SLC22A4: variants seen among roughly 807,000 people sequenced by gnomAD.
The protein encoded by SLC22A4 is ET transporter.
In SLC22A4, 39 loss-of-function variants were observed where a neutral mutation model predicts 56.6. The observed-to-expected ratio is 0.69, with a 90% CI of 0.53 to 0.90. The LOEUF is 0.90. SLC22A4 is among the 40% of genes least tolerant of loss of function. The probability of loss-of-function intolerance (pLI) is 0.00; values close to 1 mark genes in which losing one functional copy is unlikely to be tolerated. For missense variants in SLC22A4, 594 were observed against 696.5 expected (o/e 0.85, Z 1.66); for synonymous variants, 241 against 281.4 (o/e 0.86, Z 1.44).
chr5:132,294,912 C>G lies in SLC22A4; in HGVS notation c.296C>G (p.Pro99Arg). ...IANFSALGLE[P>R]GRDVDLGQLE... ...AACTTCTCGGCGCTCGGGCTGGAGC[C>G]GGGGCGCGACGTGGACCTGGGGCAG... Residue 99 changes from proline (P) to arginine (R), a missense_variant, in exon 1 of 10, where the codon CCG (proline) becomes CGG (arginine). Physicochemically the swap from Pro to Arg is moderately radical, Grantham distance 103. Transcript: ENST00000200652. This position sits in a 1 kb window ranked among gnomAD's most constrained non-coding sequence, Gnocchi z 5.6. The G allele has an allele frequency of 6.3e-7, 1 of 1,595,386 alleles. No homozygotes were observed.
At chr5:132,322,118 T>A in intron 3 of SLC22A4, 66 bp from the exon 4 acceptor site, 1 of 1,416,150 alleles carries the variant, frequency 7.1e-7, no homozygotes, top group South Asian at 1.2e-5. Flanking sequence ...AACTGCCACA[T>A]AATGATATAA....
At chr5:132,295,610 T>C (rs1749762375) in intron 1 of SLC22A4, 1 of 275,554 alleles carries the variant, frequency 3.6e-6, no homozygotes, top group Admixed American at 4.9e-5. Context: ...CAGGGACCTC[T>C]CTGAGCACAG....
At chr5:132,300,309 A>G (rs2126699825) in intron 1 of SLC22A4, among the ~76,000 whole-genome samples, 1 of 152,108 alleles carries the variant, frequency 6.6e-6, no homozygotes, top group Admixed American at 6.5e-5. Context: ...TAAAGGTACT[A>G]TTTTTTCCTC....
chr5:132,330,857 T>C (rs1474822680), intron 5 of SLC22A4, among the ~76,000 whole-genome samples: 1 of 152,190 alleles, frequency 6.6e-6, no homozygotes, highest in Non-Finnish European at 1.5e-5. Context: ...ATAATAATAG[T>C]TTAAATTTAC....
In SLC22A4 at chr5:132,312,263, A is replaced by G. The variant is rs768389161; in HGVS notation, c.496A>G (p.Arg166Gly). The G allele has an allele frequency of 3.1e-6, 5 of 1,598,436 alleles. No homozygotes were observed. In the Admixed American group the frequency reaches 6.7e-5, roughly 21 times the overall value. Reference protein sequence around the residue: ...GSFVSGQLSDRFGRKNVLFAT... With the variant: ...GSFVSGQLSDGFGRKNVLFAT... The stretch of plus-strand genomic sequence containing the variant: ...CTTCGTGTCCGGGCAGCTGTCAGAC[A>G]GGTAAGCACATGGGAGGGGAGGAAG... The change falls in exon 2 of 10, where the codon AGG (arginine) becomes GGG (glycine). Residue 166 changes from arginine (R) to glycine (G), a missense_variant and splice_region_variant. Physicochemically the swap from Arg to Gly is moderately radical, Grantham distance 125. Coordinates refer to ENST00000200652, the MANE Select transcript of SLC22A4 (RefSeq NM_003059.3).
intron 5 of SLC22A4, among the ~76,000 whole-genome samples, chr5:132,328,832 T>C (rs56090644): frequency 0.28 from 10,700 of 37,718 alleles, 647 homozygotes; most frequent in Admixed American, 0.41. Flanking sequence ...TTTATATATA[T>C]ATATATACAC....
intron 5 of SLC22A4, among the ~76,000 whole-genome samples, chr5:132,329,958 G>GTAT (rs1263313697): frequency 6.6e-6 from 1 of 152,218 alleles, no homozygotes; most frequent in Non-Finnish European, 1.5e-5. Flanking sequence ...GAACCACCAA[G>GTAT]TATTAGCACA....
intron 2 of SLC22A4, 67 bp downstream of exon 2, chr5:132,312,331 G>A: frequency 5.0e-6 from 5 of 1,006,804 alleles, no homozygotes; most frequent in Non-Finnish European, 8.0e-6. Context: ...TCTTGGGGCT[G>A]GACTGAATTC....
Position 132,343,977 on chromosome 5 carries a change from T to G in SLC22A4, c.*142T>G. The G allele has an allele frequency of 1.6e-6, 1 of 623,052 alleles. No homozygotes were observed. Among genetic ancestry groups the G allele is most frequent in the Non-Finnish European group, 2.9e-6 (1 of 346,286 alleles). The allele number at this position is 623,052 out of a possible 1,614,324, so 38.6% of individuals were successfully genotyped here. A position where few individuals can be genotyped will look rare whatever the true frequency, so the allele number is the denominator to read the frequency against. ...CTATCAAGAAATGCTCGTCATACAG[T>G]AAACTCTGGATGATTCTTCCAGATA... On this transcript the variant is annotated 3_prime_UTR_variant, in exon 10 of 10. Transcript: ENST00000200652.
intron 1 of SLC22A4, among the ~76,000 whole-genome samples, chr5:132,298,463 GGAA>G (rs1749827963): frequency 6.6e-6 from 1 of 152,240 alleles, no homozygotes; most frequent in Non-Finnish European, 1.5e-5. Flanking sequence ...ACTGGAAGAA[GGAA>G]GGAGTAGGGA....
intron 1 of SLC22A4, among the ~76,000 whole-genome samples, chr5:132,311,044 T>C (rs920518518): frequency 6.6e-6 from 1 of 152,248 alleles, no homozygotes; most frequent in African/African-American, 2.4e-5. Context: ...TGTGTCTTTA[T>C]AAACACCTCT....
At position 132,313,652 on chromosome 5, in the gene SLC22A4, T is replaced by C. The variant is rs1256932895; in HGVS notation, c.536T>C (p.Val179Ala). The change falls in exon 3 of 10, where the codon GTA becomes GCA. Residue 179 changes from valine to alanine, a missense_variant. By Grantham distance (64) the Val-to-Ala change is moderately conservative. Transcript: ENST00000200652. ...AACGTTCTCTTCGCAACCATGGCTG[T>C]ACAGACTGGCTTCAGCTTCCTGCAG... Reference protein sequence around the residue: ...RKNVLFATMAVQTGFSFLQIF... With the variant: ...RKNVLFATMAAQTGFSFLQIF... 4 of 1,614,232 alleles carry C rather than the reference T, an allele frequency of 2.5e-6. No individual in the cohort carries two copies. In the South Asian group the frequency reaches 4.4e-5, roughly 18 times the overall value.
intron 1 of SLC22A4, among the ~76,000 whole-genome samples, chr5:132,297,998 G>T (rs1230287483): frequency 1.3e-5 from 2 of 152,096 alleles, no homozygotes; most frequent in Non-Finnish European, 2.9e-5. Context: ...AAGTGTTAGT[G>T]AGGATGTAGA....
intron 4 of SLC22A4, chr5:132,324,334 G>A (rs1750622028): frequency 5.7e-6 from 2 of 349,340 alleles, no homozygotes; most frequent in Non-Finnish European, 1.2e-5. Flanking sequence ...ATGTCACAGC[G>A]AGGAACGAAC....
At chr5:132,308,610 C>T (rs989447915) in intron 1 of SLC22A4, among the ~76,000 whole-genome samples, 17 of 151,948 alleles carry the variant, frequency 1.1e-4, no homozygotes, top group Admixed American at 6.6e-5. Context: ...CCATGGGAAG[C>T]GGCACATCCT....
At chr5:132,343,403 C>T (rs1382228872) in intron 9 of SLC22A4, among the ~76,000 whole-genome samples, 1 of 152,204 alleles carries the variant, frequency 6.6e-6, no homozygotes, top group African/African-American at 2.4e-5. Flanking sequence ...TAATTCTGAT[C>T]CCTGACAGAA....
chr5:132,327,370 A>G lies in SLC22A4; in HGVS notation c.918A>G (p.Ile306Met). 6.2e-7 allele frequency: 1 copy of G among 1,610,990 alleles called. No individual in the cohort carries two copies. Among genetic ancestry groups the G allele is most frequent in the Non-Finnish European group, 8.5e-7 (1 of 1,177,152 alleles). Residue 306 changes from isoleucine to methionine, a missense_variant, in exon 5 of 10, where the codon ATA becomes ATG. By Grantham distance (10) the Ile-to-Met change is conservative. Transcript: ENST00000200652. ...AAAAAGCTGCAAAAATGAACAACAT[A>G]GCTGTACCAGCAGTGATATTTGATT... The part of the protein sequence containing the change: ...IIQKAAKMNN[I>M]AVPAVIFDSV...
At chr5:132,314,590 T>TAGG (rs1750280856) in intron 3 of SLC22A4, among the ~76,000 whole-genome samples, 1 of 152,168 alleles carries the variant, frequency 6.6e-6, no homozygotes, top group Non-Finnish European at 1.5e-5. Flanking sequence ...CTCAGTACCA[T>TAGG]CCCAATTTGT....
chr5:132,302,351 G>A (rs756884196), intron 1 of SLC22A4, among the ~76,000 whole-genome samples: 5 of 151,972 alleles, frequency 3.3e-5, no homozygotes, highest in Non-Finnish European at 7.4e-5. Context: ...AGGTACCTTG[G>A]GCCTCTAGAA....
Sources: gnomAD v4.1 joint callset for allele counts (sites outside exome capture counted in the v4.1 genomes callset) on GRCh38, gnomAD v4.1.1 for gene constraint, Gnocchi (gnomAD v3.1) non-coding constraint, MANE v1.5 for transcripts, NCBI Gene and HGNC (gene_info 2026-07-23, HGNC 2026-07-21) for gene names.